Variants in SPEF2 observed in about 807,000 individuals in gnomAD.
SPEF2 encodes sperm flagella and cilia-associated protein 2.
SPEF2 carries 187 observed loss-of-function variants against 224.6 expected under a neutral mutation model. That is an observed-to-expected ratio of 0.83 (90% confidence interval 0.74 to 0.94). The LOEUF (loss-of-function observed/expected upper bound fraction) is 0.94. Ranked by LOEUF, SPEF2 falls within the 40% of genes least tolerant of loss-of-function variation. The pLI, the probability that SPEF2 is intolerant of heterozygous loss-of-function variation, is 0.00. For missense variants in SPEF2, 2,170 were observed against 2,135.6 expected, an observed-to-expected ratio of 1.02 and a Z score of -0.32; for synonymous variants, 715 against 707.3, an observed-to-expected ratio of 1.01 and a Z score of -0.17.
intron 4 of SPEF2, among the ~76,000 whole-genome samples, chr5:35,645,814 T>G (rs1259564471): frequency 6.6e-6 from 1 of 152,172 alleles, no homozygotes; most frequent in Non-Finnish European, 1.5e-5. Context: ...CTTCCTGGTC[T>G]TCTTAAGAAA....
chr5:35,648,238 C>CT (rs139486927), intron 5 of SPEF2, among the ~76,000 whole-genome samples: 15,489 of 151,278 alleles, frequency 0.1, 1,035 homozygotes, highest in African/African-American at 0.19. Context: ...CATTAATTCA[C>CT]TTTTTTTTTG....
intron 8 of SPEF2, among the ~76,000 whole-genome samples, chr5:35,665,169 G>A (rs548825959): frequency 6.6e-6 from 1 of 152,200 alleles, no homozygotes; most frequent in Admixed American, 6.5e-5. Context: ...GGAAATTGAA[G>A]ACTAGAAGGC....
chr5:35,670,740 A>G, intron 10 of SPEF2: 1 of 985,972 alleles, frequency 1.0e-6, no homozygotes, highest in Non-Finnish European at 1.2e-6. Flanking sequence ...GAACTGTTGT[A>G]AAGCCTTTGA....
intron 21 of SPEF2, among the ~76,000 whole-genome samples, chr5:35,733,124 T>C (rs185843302): frequency 2.0e-4 from 29 of 147,710 alleles, no homozygotes; most frequent in African/African-American, 7.1e-4. Context: ...TTGTTTTTTG[T>C]TTTTTTTTGA....
rs1758109977 is a variant in SPEF2, at chr5:35,806,726, G to A, written c.5030G>A (p.Gly1677Asp). 3 of 1,613,542 alleles carry A rather than the reference G, an allele frequency of 1.9e-6. No homozygotes were observed. The highest frequency in any genetic ancestry group is 1.7e-5 in the Admixed American group (1 of 59,904). ...SAEKTSSTDA[G>D]PAEEFPEPEE... ...TTGCAGACCTCCTCAACTGATGCAG[G>A]TCCAGCTGAGGAATTTCCTGAACCT... The change falls in exon 35 of 37, where the codon GGT (glycine) becomes GAT (aspartate). Residue 1677 changes from glycine (G) to aspartate (D), a missense_variant. Gly to Asp is a moderately conservative substitution (Grantham distance 94, BLOSUM62 -1). Coordinates refer to ENST00000356031, the MANE Select transcript of SPEF2 (RefSeq NM_024867.4).
intron 14 of SPEF2, among the ~76,000 whole-genome samples, 186 bp downstream of exon 14, chr5:35,695,982 T>C (rs1389902453): frequency 6.6e-6 from 1 of 152,232 alleles, no homozygotes; most frequent in Non-Finnish European, 1.5e-5. Flanking sequence ...AATATTTATA[T>C]TGAAAGCAGT....
intron 32 of SPEF2, 89 bp downstream of exon 32, chr5:35,793,430 T>A: frequency 7.4e-7 from 1 of 1,358,998 alleles, no homozygotes; most frequent in South Asian, 1.5e-5. Flanking sequence ...TTGACAGGTC[T>A]CAGGCCAGTG....
chr5:35,678,198 C>T lies in SPEF2; in HGVS notation c.1524+7971C>T, dbSNP rs1176067250. Among the ~76,000 whole-genome samples, 3 of 152,224 alleles carry T rather than the reference C, an allele frequency of 2.0e-5. No individual in the cohort carries two copies. The East Asian group carries it at 5.8e-4, about 29-fold the overall frequency. ...GATTAGGGCAGACTGAGGAAGGCTA[C>T]TCCTGGAACAGAAGTGATCAGATTA... On this transcript the variant is annotated intron_variant, in intron 10 of 36. Coordinates refer to ENST00000356031, the MANE Select transcript of SPEF2 (RefSeq NM_024867.4).
At chr5:35,793,107 A>C (rs140212116) in intron 31 of SPEF2, 52 bp from the exon 32 acceptor site, 1 of 1,521,114 alleles carries the variant, frequency 6.6e-7, no homozygotes, top group African/African-American at 1.4e-5. Context: ...CAAGTAGAGC[A>C]TCAAGATAGA....
intron 7 of SPEF2, among the ~76,000 whole-genome samples, chr5:35,654,958 T>C (rs1210033861): frequency 6.6e-6 from 1 of 152,218 alleles, no homozygotes; most frequent in Non-Finnish European, 1.5e-5. Flanking sequence ...AAGACAAATG[T>C]ATACTTTAAA....
chr5:35,668,101 A>G (rs761419532), intron 9 of SPEF2, among the ~76,000 whole-genome samples: 34 of 152,268 alleles, frequency 2.2e-4, no homozygotes, highest in Non-Finnish European at 4.3e-4. Flanking sequence ...ACAGTTTGGC[A>G]ATTTCTTAAA....
intron 2 of SPEF2, among the ~76,000 whole-genome samples, chr5:35,636,606 G>A (rs923433935): frequency 2.0e-5 from 3 of 152,200 alleles, no homozygotes; most frequent in South Asian, 2.1e-4. Context: ...TTTTTTCAGT[G>A]AGTAAGCTCT....
chr5:35,753,497 A>T, intron 23 of SPEF2, 127 bp from the exon 24 acceptor site: 2 of 1,195,056 alleles, frequency 1.7e-6, no homozygotes, highest in Non-Finnish European at 2.4e-6. Context: ...ACAATACAGG[A>T]GTGCAATTGG....
At chr5:35,739,732 T>C (rs1747261515) in intron 21 of SPEF2, among the ~76,000 whole-genome samples, 187 bp from the exon 22 acceptor site, 1 of 152,132 alleles carries the variant, frequency 6.6e-6, no homozygotes, top group Admixed American at 6.5e-5. Context: ...CATGGAGGAT[T>C]ATTTGGAATA....
At chr5:35,710,891 G>T in intron 19 of SPEF2, 1 of 984,916 alleles carries the variant, frequency 1.0e-6, no homozygotes, top group Non-Finnish European at 1.2e-6. Flanking sequence ...CAAGGTCAAG[G>T]CTAGTGCCTG....
intron 10 of SPEF2, among the ~76,000 whole-genome samples, chr5:35,684,947 A>G (rs931315960): frequency 3.3e-5 from 5 of 152,182 alleles, no homozygotes; most frequent in Admixed American, 6.5e-5. Context: ...AATTGGCCAC[A>G]TTACATAAAA....
intron 20 of SPEF2, among the ~76,000 whole-genome samples, chr5:35,717,548 T>C (rs1292759684): frequency 6.6e-6 from 1 of 152,234 alleles, no homozygotes; most frequent in East Asian, 1.9e-4. Context: ...CCCATGGCCA[T>C]GAAAATTTAG....
At chr5:35,708,698 T>G in intron 18 of SPEF2, among the ~76,000 whole-genome samples, 1 of 111,106 alleles carries the variant, frequency 9.0e-6, no homozygotes, top group Admixed American at 8.8e-5. Flanking sequence ...TCCATCACCA[T>G]CACCACCACT....
At chr5:35,712,670 A>C in intron 19 of SPEF2, 142 bp from the exon 20 acceptor site, 1 of 713,382 alleles carries the variant, frequency 1.4e-6, no homozygotes, top group Admixed American at 2.9e-5. Context: ...ATTTTAACTC[A>C]AAGTAAAAAC....
Sources: allele counts gnomAD v4.1 joint callset (sites outside exome capture counted in the v4.1 genomes callset), GRCh38; gene constraint gnomAD v4.1.1; transcripts MANE v1.5; gene names NCBI Gene and HGNC (gene_info 2026-07-23, HGNC 2026-07-21).